Variants in SLC35F5 observed in about 807,000 individuals in gnomAD.
SLC35F5 encodes the protein HCV NS5A-transactivated protein 3.
A neutral mutation model predicts 68.6 loss-of-function variants in SLC35F5; 54 were observed. That is an observed-to-expected ratio of 0.79 (90% CI 0.63 to 0.99). The LOEUF (loss-of-function observed/expected upper bound fraction) is 0.99. Among genes scored for constraint, SLC35F5 ranks in the 50% least tolerant of loss-of-function variants. The pLI is 0.00. For missense variants in SLC35F5, 567 were observed against 626.9 expected (o/e 0.90, Z 1.02); for synonymous variants, 211 against 205.2 (o/e 1.03, Z -0.24).
At chr2:113,741,499 C>T (rs1043370638) in intron 7 of SLC35F5, among the ~76,000 whole-genome samples, 15 of 151,920 alleles carry the variant, frequency 9.9e-5, no homozygotes, top group African/African-American at 3.1e-4. Context: ...GTCAGAAGTT[C>T]GAGACCAGCA....
At chr2:113,740,231 GA>G (rs1676204853) in intron 7 of SLC35F5, among the ~76,000 whole-genome samples, 1 of 152,172 alleles carries the variant, frequency 6.6e-6, no homozygotes. Flanking sequence ...GGAACGTGAT[GA>G]TTGTATCAGA....
In SLC35F5 at chr2:113,755,165, C is replaced by T. The variant is rs1390709668; in HGVS notation, c.273G>A (p.Ser91=). The change falls in exon 3 of 16, where the codon TCG becomes TCA. Residue 91 remains serine, a splice_region_variant and synonymous_variant. Transcript: ENST00000245680. ...VIWVASSELT[S]YVFTQYNKPF... ...TCATTCCTGGACCAAAGGTACATAC[C>T]GAAGTAAGTTCAGAGGAAGCAACCC... 9 of 1,613,578 alleles carry T rather than the reference C, an allele frequency of 5.6e-6. No individual in the cohort carries two copies. Among genetic ancestry groups the T allele is most frequent in the Non-Finnish European group, 7.6e-6 (9 of 1,179,776 alleles).
chr2:113,741,194 T>C (rs2104458992), intron 7 of SLC35F5, among the ~76,000 whole-genome samples: 1 of 152,274 alleles, frequency 6.6e-6, no homozygotes, highest in East Asian at 1.9e-4. Context: ...AGACAAATGC[T>C]GTATGATTCC....
At chr2:113,704,353 G>A (rs1020445994), downstream of SLC35F5, among the ~76,000 whole-genome samples, 3 of 152,316 alleles carry the variant, frequency 2.0e-5, no homozygotes, top group South Asian at 2.1e-4. Context: ...GAGCCCAGCC[G>A]GCTTCACCCA....
rs1351870797 is a variant in SLC35F5 at position 113,711,098 on chromosome 2, CATGA to C, written c.*4116_*4119del. On this transcript the variant is annotated 3_prime_UTR_variant, in exon 16 of 16. Transcript: ENST00000245680. Reference sequence around the variant, plus strand: ...CTTTACTTTTCTAATTTTAAAATATCATGAATGAAATGGTGTCTTCATCTAGGTG... The same window carrying C: ...CTTTACTTTTCTAATTTTAAAATATCATGAAATGGTGTCTTCATCTAGGTG... Among the ~76,000 whole-genome samples, 1 of 152,160 alleles carries C rather than the reference CATGA, an allele frequency of 6.6e-6. No individual in the cohort carries two copies. The highest frequency in any genetic ancestry group is 2.4e-5 in the African/African-American group (1 of 41,432).
At position 113,729,633 on chromosome 2, in the gene SLC35F5, C is replaced by T. The variant is rs550096724; in HGVS notation, c.986-128G>A. On this transcript the variant is annotated intron_variant, in intron 10 of 15. Coordinates refer to ENST00000245680, the MANE Select transcript of SLC35F5 (RefSeq NM_025181.5). ...TGAAAAGATATATAATGATATAAAT[C>T]ACCTTTATATTGATATAAAGATATA... The T allele has an allele frequency of 2.2e-5, 14 of 624,694 alleles. 2 individuals are homozygous for T. The East Asian group carries it at 3.7e-4, about 16-fold the overall frequency. 38.7% of individuals were successfully genotyped at this position (624,694 alleles called of 1,614,324 possible). A position where few individuals can be genotyped will look rare whatever the true frequency, so the allele number is the denominator to read the frequency against.
intron 1 of SLC35F5, 116 bp downstream of exon 1, chr2:113,756,254 C>T: frequency 2.6e-6 from 4 of 1,539,250 alleles, no homozygotes; most frequent in Non-Finnish European, 2.6e-6. Flanking sequence ...TAGAGACCTT[C>T]ACGGTTTCGG....
At chr2:113,719,414 A>G (rs1161174495) in intron 13 of SLC35F5, 106 bp from the exon 14 acceptor site, 3 of 976,134 alleles carry the variant, frequency 3.1e-6, no homozygotes, top group Non-Finnish European at 4.3e-6. Context: ...GAATAAGAAC[A>G]ATGGGAAGAC....
intron 12 of SLC35F5, 120 bp downstream of exon 12, chr2:113,725,258 T>G (rs1687614120): frequency 1.2e-6 from 1 of 852,458 alleles, no homozygotes; most frequent in Non-Finnish European, 1.9e-6. Context: ...AGTATTCAGT[T>G]GTATGTGTGT....
intron 15 of SLC35F5, chr2:113,717,513 A>G (rs919031317): frequency 2.9e-5 from 9 of 315,474 alleles, no homozygotes; most frequent in Non-Finnish European, 2.9e-5. Flanking sequence ...CACCCTCATA[A>G]GGGAGGTTCT....
chr2:113,756,463 C>A lies in SLC35F5; in HGVS notation c.-54G>T, dbSNP rs931995842. Reference sequence around the variant, plus strand: ...CCAGCGCCACGGCCGCGGCCTCGGACTCACAGAGCTGTCACCGCGCCTGAC... The same window carrying A: ...CCAGCGCCACGGCCGCGGCCTCGGAATCACAGAGCTGTCACCGCGCCTGAC... On this transcript the variant is annotated 5_prime_UTR_variant, in exon 1 of 16. Transcript: ENST00000245680. 1.3e-6 allele frequency: 2 copies of A among 1,534,292 alleles called. No individual in the cohort carries two copies. The highest frequency in any genetic ancestry group is 2.0e-5 in the Admixed American group (1 of 50,660).
In SLC35F5 at chr2:113,750,534, C is replaced by T; in HGVS notation, c.308G>A (p.Ser103Asn). ...AAACATAGATGTTTTTGCAAAGGTG[C>T]TGAAGAATGGTTTGTTGTACTGGGT... is the stretch of plus-strand genomic sequence containing the variant. Reference protein sequence around the residue: ...VFTQYNKPFFSTFAKTSMFVL... With the variant: ...VFTQYNKPFFNTFAKTSMFVL... The change falls in exon 4 of 16, where the codon AGC becomes AAC. Residue 103 changes from serine to asparagine, a missense_variant. Coordinates refer to ENST00000245680, the MANE Select transcript of SLC35F5 (RefSeq NM_025181.5). 2 of 1,612,216 alleles carry T rather than the reference C, an allele frequency of 1.2e-6. No individual in the cohort carries two copies. The highest frequency in any genetic ancestry group is 2.7e-5 in the African/African-American group (2 of 74,932).
rs1173478465 is a variant in SLC35F5 at position 113,753,168 on chromosome 2, C to CTTTTTTTTTTTTTTTTTTTTTTTTTTTTT, written c.273+1996_273+1997insAAAAAAAAAAAAAAAAAAAAAAAAAAAAA. On this transcript the variant is annotated intron_variant, in intron 3 of 15. Transcript: ENST00000245680. ...CACTTTATCTCCAAAGTTTGTTTTT[C>CTTTTTTTTTTTTTTTTTTTTTTTTTTTTT]TTTTTTTTTTTTTTTTTTTTTTTTT... is the stretch of plus-strand genomic sequence containing the variant. Among the ~76,000 whole-genome samples, 17 of 49,090 alleles carry CTTTTTTTTTTTTTTTTTTTTTTTTTTTTT rather than the reference C, an allele frequency of 3.5e-4. 8 individuals are homozygous for CTTTTTTTTTTTTTTTTTTTTTTTTTTTTT. Among genetic ancestry groups the CTTTTTTTTTTTTTTTTTTTTTTTTTTTTT allele is most frequent in the African/African-American group, 6.0e-4 (7 of 11,588 alleles). The allele number at this position is 49,090 out of a possible 152,430, so 32.2% of individuals were successfully genotyped here.
chr2:113,719,480 C>G (rs1687339222), intron 13 of SLC35F5, 172 bp from the exon 14 acceptor site: 1 of 510,502 alleles, frequency 2.0e-6, no homozygotes. Context: ...GAATTCAAGA[C>G]TTCAACTTAC....
intron 7 of SLC35F5, among the ~76,000 whole-genome samples, chr2:113,741,069 A>G (rs1274969827): frequency 1.3e-5 from 2 of 152,252 alleles, no homozygotes; most frequent in African/African-American, 2.4e-5. Flanking sequence ...AAAAGATGGT[A>G]TATCTGTACA....
chr2:113,742,619 T>A, intron 7 of SLC35F5, 73 bp downstream of exon 7: 1 of 1,429,230 alleles, frequency 7.0e-7, no homozygotes, highest in Non-Finnish European at 9.7e-7. Flanking sequence ...TTCAATCCTA[T>A]ATTGTTGGTA....
At position 113,745,905 on chromosome 2, in the gene SLC35F5, A is replaced by G. The variant is rs912897514; in HGVS notation, c.480+372T>C. Among the ~76,000 whole-genome samples, 3 of 152,216 alleles carry G rather than the reference A, an allele frequency of 2.0e-5. No homozygotes were observed. The South Asian group carries it at 6.2e-4, about 32-fold the overall frequency. ...TGTTTAACACAGATTTGTCACTGTA[A>G]AAAATTTGTGGAACAAACGAATAAT... On this transcript the variant is annotated intron_variant, in intron 5 of 15. Transcript: ENST00000245680.
chr2:113,729,308 A>C, intron 11 of SLC35F5, 93 bp downstream of exon 11: 1 of 621,514 alleles, frequency 1.6e-6, no homozygotes. Flanking sequence ...CGGAAGAAAA[A>C]AAAAGGCTTC....
In SLC35F5 at chr2:113,755,302, G is replaced by C. The variant is rs777862070; in HGVS notation, c.136C>G (p.Gln46Glu). The C allele has an allele frequency of 6.2e-7, 1 of 1,613,858 alleles. No individual in the cohort carries two copies. Among genetic ancestry groups the C allele is most frequent in the Admixed American group, 1.7e-5 (1 of 59,980 alleles). Residue 46 changes from glutamine (Q) to glutamate (E), a missense_variant, in exon 3 of 16, where the codon CAA becomes GAA. Coordinates refer to ENST00000245680, the MANE Select transcript of SLC35F5 (RefSeq NM_025181.5). Reference protein sequence around the residue: ...DLRRALKTRLQMVCVFVMNRM... With the variant: ...DLRRALKTRLEMVCVFVMNRM... Reference sequence around the variant, plus strand: ...TTCATGACAAATACACACACCATTTGCAGTCTGTTTTTTAGAAAATACAGA... The same window carrying C: ...TTCATGACAAATACACACACCATTTCCAGTCTGTTTTTTAGAAAATACAGA...
Sources: allele counts gnomAD v4.1 joint callset (sites outside exome capture counted in the v4.1 genomes callset), GRCh38; gene constraint gnomAD v4.1.1; transcripts MANE v1.5; gene names NCBI Gene and HGNC (gene_info 2026-07-23, HGNC 2026-07-21).